NAALADL2: variants seen among roughly 807,000 people sequenced by gnomAD.
NAALADL2 encodes the protein inactive N-acetylated-alpha-linked acidic dipeptidase-like protein 2.
NAALADL2 carries 76 observed loss-of-function variants against 87.2 expected under a neutral mutation model. The observed-to-expected ratio is 0.87, with a 90% CI of 0.72 to 1.05. NAALADL2 has a LOEUF of 1.05. NAALADL2 is among the 50% of genes least tolerant of loss of function. The pLI is 0.00. For missense variants in NAALADL2, 1,089 were observed against 945.8 expected (o/e 1.15, Z -1.99); for synonymous variants, 354 against 331.0 (o/e 1.07, Z -0.75).
At chr3:174,992,953 G>A (rs1746938068) in intron 1 of NAALADL2, among the ~76,000 whole-genome samples, 1 of 152,006 alleles carries the variant, frequency 6.6e-6, no homozygotes, top group Non-Finnish European at 1.5e-5. Flanking sequence ...AGAAAGTGTT[G>A]GAGCTCTGGG....
At chr3:174,795,811 T>C (rs1380305262) in intron 3 of NAALADL2, among the ~76,000 whole-genome samples, 2 of 152,336 alleles carry the variant, frequency 1.3e-5, no homozygotes, top group East Asian at 1.9e-4. Flanking sequence ...TATGTGCTTA[T>C]TGGTCATTTG....
chr3:175,634,170 A>G (rs894086239), intron 11 of NAALADL2, among the ~76,000 whole-genome samples: 1 of 151,854 alleles, frequency 6.6e-6, no homozygotes, highest in African/African-American at 2.4e-5. Context: ...AATTTTAATA[A>G]TTTTAATTGT....
intron 2 of NAALADL2, among the ~76,000 whole-genome samples, chr3:175,134,594 G>A (rs993438964): frequency 6.6e-6 from 1 of 152,104 alleles, no homozygotes; most frequent in African/African-American, 2.4e-5. Flanking sequence ...TGAAAAGACA[G>A]GCTGAGTAAA....
At chr3:174,651,634 T>C (rs1029982981) in intron 2 of NAALADL2, among the ~76,000 whole-genome samples, 1 of 152,176 alleles carries the variant, frequency 6.6e-6, no homozygotes, top group African/African-American at 2.4e-5. Context: ...CCAAATGTCA[T>C]GTGGTTAATA....
intron 3 of NAALADL2, among the ~76,000 whole-genome samples, chr3:174,816,827 A>C (rs879615197): frequency 6.6e-6 from 1 of 152,166 alleles, no homozygotes; most frequent in African/African-American, 2.4e-5. Context: ...GGTCATTGCA[A>C]GGCAACACTG....
intron 1 of NAALADL2, among the ~76,000 whole-genome samples, chr3:174,936,937 A>G (rs1737780176): frequency 6.6e-6 from 1 of 152,154 alleles, no homozygotes; most frequent in Non-Finnish European, 1.5e-5. Context: ...GAGCACACAT[A>G]AGCCAAAATG....
At chr3:174,882,729 GTGTATCTA>G (rs1729496198) in intron 1 of NAALADL2, among the ~76,000 whole-genome samples, 1 of 139,222 alleles carries the variant, frequency 7.2e-6, no homozygotes, top group South Asian at 2.2e-4. Flanking sequence ...ATGTGTATAT[GTGTATCTA>G]TGTGTATATA....
intron 2 of NAALADL2, among the ~76,000 whole-genome samples, chr3:174,662,263 T>C (rs1229103482): frequency 6.6e-6 from 1 of 152,194 alleles, no homozygotes; most frequent in Non-Finnish European, 1.5e-5. Context: ...TACTGAACTC[T>C]TTGATCTTAT....
intron 1 of NAALADL2, among the ~76,000 whole-genome samples, chr3:174,956,231 T>C (rs2108532506): frequency 6.6e-6 from 1 of 152,186 alleles, no homozygotes; most frequent in Admixed American, 6.6e-5. Flanking sequence ...CTCATTTTCT[T>C]TCCACGATTA....
At chr3:174,775,351 GT>G (rs1715079964) in intron 3 of NAALADL2, among the ~76,000 whole-genome samples, 1 of 151,848 alleles carries the variant, frequency 6.6e-6, no homozygotes, top group Admixed American at 6.6e-5. Context: ...TGTCTCTATA[GT>G]TTTGCCTATT....
At position 175,716,588 on chromosome 3, in the gene NAALADL2, AG is replaced by A. The variant is rs2150018144; in HGVS notation, c.1897-20717del. On this transcript the variant is annotated intron_variant, in intron 11 of 13. Transcript: ENST00000454872. ...GCAGAGCACTTCCATTAGTGGGAAA[AG>A]TACATGCAAATTCATATAGGCCAAA... 2.0e-5 allele frequency among the ~76,000 whole-genome samples: 3 copies of A among 152,114 alleles called. No homozygotes were observed. In the South Asian group the frequency reaches 6.2e-4, roughly 32 times the overall value.
At chr3:175,191,794 T>C (rs1738248787) in intron 2 of NAALADL2, among the ~76,000 whole-genome samples, 2 of 152,220 alleles carry the variant, frequency 1.3e-5, no homozygotes, top group African/African-American at 4.8e-5. Context: ...TTAAGAAGTT[T>C]GTGGAAAACA....
At chr3:174,985,982 A>G (rs1232842131) in intron 1 of NAALADL2, among the ~76,000 whole-genome samples, 2 of 152,078 alleles carry the variant, frequency 1.3e-5, no homozygotes, top group East Asian at 3.9e-4. Flanking sequence ...AAAAAAAAGC[A>G]TGCTAAACAA....
chr3:175,280,603 T>A (rs1269063411), intron 4 of NAALADL2, among the ~76,000 whole-genome samples: 1 of 152,070 alleles, frequency 6.6e-6, no homozygotes, highest in Non-Finnish European at 1.5e-5. Context: ...ACTGAATAAT[T>A]ATGATCACTT....
chr3:175,342,089 A>G (rs1405204191), intron 5 of NAALADL2, among the ~76,000 whole-genome samples: 1 of 152,172 alleles, frequency 6.6e-6, no homozygotes, highest in Non-Finnish European at 1.5e-5. Context: ...AGTAAGTTTT[A>G]AAATTGCTAA....
chr3:175,242,299 T>C (rs1747066111), intron 3 of NAALADL2: 1 of 152,238 alleles, frequency 6.6e-6, no homozygotes, highest in Non-Finnish European at 1.5e-5. Context: ...AGTTAAGTGA[T>C]AATGTAATTT....
At position 175,314,941 on chromosome 3, in the gene NAALADL2, A is replaced by G. The variant is rs201340942; in HGVS notation, c.940-9234A>G. Among the ~76,000 whole-genome samples, 42 of 151,994 alleles carry G rather than the reference A, an allele frequency of 2.8e-4. No individual in the cohort carries two copies. The East Asian group carries it at 6.6e-3, about 24-fold the overall frequency. ...CTCTATGAGGCATTGGGTAGAAAAG[A>G]TGAAGCTATAAGGTTCCTGCTTCAA... On this transcript the variant is annotated intron_variant, in intron 4 of 13. Coordinates refer to ENST00000454872, the MANE Select transcript of NAALADL2 (RefSeq NM_207015.3).
chr3:174,936,227 T>C (rs930932774), intron 1 of NAALADL2, among the ~76,000 whole-genome samples: 1 of 152,152 alleles, frequency 6.6e-6, no homozygotes, highest in African/African-American at 2.4e-5. Flanking sequence ...TCCAAGGAGA[T>C]AGTAGTTTGG....
At chr3:175,026,363 C>T (rs1752223099) in intron 1 of NAALADL2, among the ~76,000 whole-genome samples, 1 of 151,278 alleles carries the variant, frequency 6.6e-6, no homozygotes, top group East Asian at 2.0e-4. Flanking sequence ...CTAAAAAGTT[C>T]AGGCTGGGCA....
Sources: allele counts gnomAD v4.1 joint callset (sites outside exome capture counted in the v4.1 genomes callset), GRCh38; gene constraint gnomAD v4.1.1; transcripts MANE v1.5; gene names NCBI Gene and HGNC (gene_info 2026-07-23, HGNC 2026-07-21).